Variants in CHST11 observed in about 807,000 individuals in gnomAD.
CHST11 encodes carbohydrate sulfotransferase 11.
In CHST11, 9 loss-of-function variants were observed where a neutral mutation model predicts 30.4. That is an observed-to-expected ratio of 0.30 (90% CI 0.18 to 0.52). CHST11 has a LOEUF of 0.52. CHST11 is among the 20% of genes least tolerant of loss of function. The probability of loss-of-function intolerance (pLI) is 0.97; values close to 1 mark genes in which losing one functional copy is unlikely to be tolerated. For synonymous variants in CHST11, 152 were observed against 187.8 expected (o/e 0.81, Z 1.56); for missense variants, 348 against 460.6 (o/e 0.76, Z 2.24).
chr12:104,503,111 G>A (rs2037868167), intron 1 of CHST11, among the ~76,000 whole-genome samples: 1 of 152,216 alleles, frequency 6.6e-6, no homozygotes, highest in Admixed American at 6.5e-5. Context: ...TTACAAGAGA[G>A]AAGGAGCTGT....
intron 1 of CHST11, among the ~76,000 whole-genome samples, chr12:104,563,518 A>G (rs758997653): frequency 2.7e-4 from 41 of 152,162 alleles, no homozygotes; most frequent in Non-Finnish European, 5.1e-4. Flanking sequence ...AGGTCACATC[A>G]TCCATCAGCT....
At position 104,744,943 on chromosome 12, in the gene CHST11, G is replaced by A. The variant is rs556313790; in HGVS notation, c.205-12006G>A. Among the ~76,000 whole-genome samples the A allele has an allele frequency of 4.0e-4, 61 of 151,830 alleles. No homozygotes were observed. In the Middle Eastern group the frequency reaches 0.01, roughly 25 times the overall value. ...GGCTGGAGTGCAATGGCATGATCTC[G>A]GCTCACTGCAACCTCCGCCTCCCAG... On this transcript the variant is annotated intron_variant, in intron 2 of 2. Coordinates refer to ENST00000303694, the MANE Select transcript of CHST11 (RefSeq NM_018413.6).
intron 1 of CHST11, among the ~76,000 whole-genome samples, chr12:104,533,177 A>C (rs2038203124): frequency 6.6e-6 from 1 of 151,978 alleles, no homozygotes; most frequent in Non-Finnish European, 1.5e-5. Flanking sequence ...TTTTGAACCC[A>C]CCTCCATGAC....
Position 104,714,563 on chromosome 12 carries a change from ATGATGATGATG to A in CHST11, c.205-42385_205-42375del, listed in dbSNP as rs775931733. Among the ~76,000 whole-genome samples the A allele has an allele frequency of 1.6e-4, 12 of 72,790 alleles. No homozygotes were observed. In the South Asian group the frequency reaches 1.9e-3, roughly 12 times the overall value. The allele number at this position is 72,790 out of a possible 152,430, so 47.8% of individuals were successfully genotyped here. On this transcript the variant is annotated intron_variant, in intron 2 of 2. Coordinates refer to ENST00000303694, the MANE Select transcript of CHST11 (RefSeq NM_018413.6). Reference sequence around the variant, plus strand: ...TTTTGTGGAGGTGGTGATGATGATGATGATGATGATGATGGTGACGGTGATGATGACAAGGA... The same window carrying A: ...TTTTGTGGAGGTGGTGATGATGATGAATGGTGACGGTGATGATGACAAGGA...
intron 2 of CHST11, among the ~76,000 whole-genome samples, chr12:104,603,529 G>T (rs1473904521): frequency 2.6e-5 from 4 of 152,216 alleles, no homozygotes. Flanking sequence ...AAACATGAAA[G>T]TCCAGGTTCA....
At chr12:104,592,797 T>A (rs1162364731) in intron 1 of CHST11, among the ~76,000 whole-genome samples, 1 of 152,164 alleles carries the variant, frequency 6.6e-6, no homozygotes, top group Non-Finnish European at 1.5e-5. Flanking sequence ...GACAACTGAT[T>A]TGTACTTGGA....
chr12:104,483,522 C>A (rs950159793), intron 1 of CHST11, among the ~76,000 whole-genome samples: 1 of 152,132 alleles, frequency 6.6e-6, no homozygotes, highest in Non-Finnish European at 1.5e-5. Flanking sequence ...TGCACTTTGA[C>A]TTTTTTTCAT....
chr12:104,547,416 A>G (rs886330109), intron 1 of CHST11, among the ~76,000 whole-genome samples: 2 of 152,224 alleles, frequency 1.3e-5, no homozygotes, highest in African/African-American at 4.8e-5. Context: ...AGATGGGTGC[A>G]TGCGAGTACT....
intron 1 of CHST11, among the ~76,000 whole-genome samples, chr12:104,572,678 A>C (rs1377842844): frequency 6.6e-6 from 1 of 151,958 alleles, no homozygotes; most frequent in African/African-American, 2.4e-5. Flanking sequence ...TCCTGGATTC[A>C]TTGATCTTTT....
chr12:104,646,679 C>T (rs1277618208), intron 2 of CHST11, among the ~76,000 whole-genome samples: 1 of 152,216 alleles, frequency 6.6e-6, no homozygotes, highest in Non-Finnish European at 1.5e-5. Context: ...AACCTGGCGA[C>T]AGAGCAAGAC....
intron 2 of CHST11, among the ~76,000 whole-genome samples, chr12:104,678,706 A>C (rs2039765288): frequency 6.6e-6 from 1 of 152,238 alleles, no homozygotes; most frequent in African/African-American, 2.4e-5. Context: ...AAGGAATGAA[A>C]GGACAAGGTT....
chr12:104,708,141 C>T (rs141800154), intron 2 of CHST11, among the ~76,000 whole-genome samples: 2 of 152,358 alleles, frequency 1.3e-5, no homozygotes, highest in East Asian at 3.9e-4. Context: ...GAGTGTGGAA[C>T]ACAGCCTCTC....
intron 1 of CHST11, among the ~76,000 whole-genome samples, chr12:104,541,478 A>C (rs1257859627): frequency 2.0e-5 from 3 of 152,084 alleles, no homozygotes; most frequent in Non-Finnish European, 4.4e-5. Context: ...TTTTCTTTTT[A>C]ATTCCTTTAG....
Position 104,457,428 on chromosome 12 carries a change from T to C in CHST11, c.17T>C (p.Leu6Pro). The C allele has an allele frequency of 6.2e-7, 1 of 1,613,922 alleles. No homozygotes were observed. MKPAL[L>P]EVMRMNRICR... The stretch of plus-strand genomic sequence containing the variant: ...GACAAAGCCATGAAGCCAGCGCTGC[T>C]GGAAGTGATGAGGATGAACAGAATC... Residue 6 changes from leucine (L) to proline (P), a missense_variant, in exon 1 of 3, where the codon CTG becomes CCG. Transcript: ENST00000303694.
intron 1 of CHST11, among the ~76,000 whole-genome samples, chr12:104,532,426 C>G (rs756102004): frequency 6.0e-5 from 9 of 150,280 alleles, no homozygotes; most frequent in Non-Finnish European, 8.9e-5. Flanking sequence ...AGGTTCCAAA[C>G]TCAATTTTTA....
At chr12:104,542,057 G>C (rs1704908) in intron 1 of CHST11, among the ~76,000 whole-genome samples, 10,585 of 152,314 alleles carry the variant, frequency 0.069, 881 homozygotes, top group East Asian at 0.44. Flanking sequence ...GTAGGACCAA[G>C]TTATGATAAG....
intron 2 of CHST11, among the ~76,000 whole-genome samples, chr12:104,736,072 A>G (rs751479856): frequency 6.6e-6 from 1 of 152,164 alleles, no homozygotes; most frequent in Non-Finnish European, 1.5e-5. Flanking sequence ...GGACACAGGA[A>G]GAGGGCAGTG....
At chr12:104,723,219 G>A (rs1384193313) in intron 2 of CHST11, among the ~76,000 whole-genome samples, 3 of 152,144 alleles carry the variant, frequency 2.0e-5, no homozygotes, top group African/African-American at 7.2e-5. Context: ...TAATACTCAC[G>A]ATATCCCTAA....
At chr12:104,461,528 A>G (rs1469350846) in intron 1 of CHST11, among the ~76,000 whole-genome samples, 1 of 152,244 alleles carries the variant, frequency 6.6e-6, no homozygotes, top group Non-Finnish European at 1.5e-5. Flanking sequence ...GCATTGGCAC[A>G]GAGTGTGTAA....
Sources: gnomAD v4.1 joint callset for allele counts (sites outside exome capture counted in the v4.1 genomes callset) on GRCh38, gnomAD v4.1.1 for gene constraint, MANE v1.5 for transcripts, NCBI Gene and HGNC (gene_info 2026-07-23, HGNC 2026-07-21) for gene names.